SLC44A5: variants seen among roughly 807,000 people sequenced by gnomAD.
The protein encoded by SLC44A5 is choline transporter-like protein 5.
A neutral mutation model predicts 101.8 loss-of-function variants in SLC44A5; 57 were observed. The ratio of observed to expected loss-of-function variants is 0.56; its 90% CI spans 0.45 to 0.70. SLC44A5 has a LOEUF of 0.70. Among genes scored for constraint, SLC44A5 ranks in the 30% least tolerant of loss-of-function variants. The probability of loss-of-function intolerance (pLI) is 0.00; values close to 1 mark genes in which losing one functional copy is unlikely to be tolerated. For synonymous variants in SLC44A5, 281 were observed against 290.9 expected (o/e 0.97, Z 0.35); for missense variants, 737 against 853.1 (o/e 0.86, Z 1.70).
At chr1:75,584,378 TA>T (rs1462747738) in intron 1 of SLC44A5, among the ~76,000 whole-genome samples, 3 of 152,238 alleles carry the variant, frequency 2.0e-5, no homozygotes, top group Non-Finnish European at 4.4e-5. Context: ...CATTAGAATA[TA>T]AAAACCCTTA....
intron 1 of SLC44A5, among the ~76,000 whole-genome samples, chr1:75,604,916 G>T (rs1276802403): frequency 6.6e-6 from 1 of 151,884 alleles, no homozygotes; most frequent in Non-Finnish European, 1.5e-5. Flanking sequence ...AAAGTCTTTG[G>T]CAGTCTTTAG....
chr1:75,436,724 T>A (rs546363235), intron 2 of SLC44A5, among the ~76,000 whole-genome samples: 110 of 152,330 alleles, frequency 7.2e-4, no homozygotes, highest in African/African-American at 2.5e-3. Flanking sequence ...GGAACTTTTT[T>A]AATATTTTAA....
chr1:75,440,533 C>T (rs767765982), intron 2 of SLC44A5, among the ~76,000 whole-genome samples: 2 of 151,848 alleles, frequency 1.3e-5, no homozygotes, highest in Non-Finnish European at 2.9e-5. Flanking sequence ...CAGGTGACTA[C>T]GAAGATTTTT....
chr1:75,569,690 T>C (rs1672973194), intron 1 of SLC44A5, among the ~76,000 whole-genome samples: 1 of 152,218 alleles, frequency 6.6e-6, no homozygotes, highest in South Asian at 2.1e-4. Context: ...CTCAAAATAA[T>C]ATCAGTTAAT....
the SLC44A5 span, among the ~76,000 whole-genome samples, chr1:75,706,601 T>C: frequency 6.6e-6 from 1 of 152,138 alleles, no homozygotes; most frequent in Non-Finnish European, 1.5e-5. Flanking sequence ...GGGCCCTGCT[T>C]CTGTTATTAA....
rs1011864234 is a variant in SLC44A5 at position 75,281,649 on chromosome 1, C to G, written c.176-6607G>C. ...GGCTGGTGCCAGGCCCCCCCCCCCC[C>G]CCGCTGCATTTAGCCTAGGGACTTG... On this transcript the variant is annotated intron_variant, in intron 5 of 23. Transcript: ENST00000370859. 3.1e-4 allele frequency among the ~76,000 whole-genome samples: 31 copies of G among 101,264 alleles called. 5 individuals carry two copies. The highest frequency in any genetic ancestry group is 4.5e-3 in the Middle Eastern group (1 of 220). The allele number at this position is 101,264 out of a possible 152,430, so 66.4% of individuals were successfully genotyped here.
chr1:75,682,942 G>A, the SLC44A5 span, among the ~76,000 whole-genome samples: 32 of 151,956 alleles, frequency 2.1e-4, no homozygotes, highest in African/African-American at 1.9e-4. Context: ...AAAAGTGGGC[G>A]AAGGACATGA....
intron 2 of SLC44A5, among the ~76,000 whole-genome samples, chr1:75,463,696 C>A (rs207460225): frequency 1.3e-5 from 2 of 151,946 alleles, no homozygotes; most frequent in Non-Finnish European, 2.9e-5. Context: ...ACTCATCCTG[C>A]AAGAAATGTT....
upstream of SLC44A5, among the ~76,000 whole-genome samples, chr1:75,613,834 GGT>G (rs1675755986): frequency 6.6e-6 from 1 of 152,102 alleles, no homozygotes; most frequent in Non-Finnish European, 1.5e-5. Context: ...AAAACTTTTT[GGT>G]GTTTTGAGGG....
intron 1 of SLC44A5, among the ~76,000 whole-genome samples, chr1:75,596,928 T>C (rs772893926): frequency 2.0e-5 from 3 of 152,012 alleles, no homozygotes; most frequent in Non-Finnish European, 4.4e-5. Context: ...CTATTTAACA[T>C]AGTATTAGAA....
chr1:75,320,456 CA>C (rs528965140), intron 4 of SLC44A5, among the ~76,000 whole-genome samples: 1 of 151,778 alleles, frequency 6.6e-6, no homozygotes, highest in African/African-American at 2.4e-5. Flanking sequence ...CATTTATTTG[CA>C]AAAAAACCAA....
intron 2 of SLC44A5, among the ~76,000 whole-genome samples, chr1:75,410,450 T>C (rs1222560178): frequency 2.0e-5 from 3 of 152,118 alleles, no homozygotes. Context: ...TAAGGGTTCA[T>C]TGAATGAAGA....
At chr1:75,629,859 G>T in the SLC44A5 span, among the ~76,000 whole-genome samples, 1 of 152,136 alleles carries the variant, frequency 6.6e-6, no homozygotes, top group Non-Finnish European at 1.5e-5. Flanking sequence ...AAACAGTATT[G>T]AAGATGAAAG....
the SLC44A5 span, among the ~76,000 whole-genome samples, chr1:75,625,742 G>A: frequency 0.72 from 109,995 of 152,028 alleles, 40,146 homozygotes; most frequent in East Asian, 0.96. Context: ...ATTTCTGGTA[G>A]TCTAGTCCCC....
intron 2 of SLC44A5, among the ~76,000 whole-genome samples, chr1:75,462,738 T>C (rs1666574368): frequency 6.6e-6 from 1 of 152,064 alleles, no homozygotes; most frequent in African/African-American, 2.4e-5. Context: ...AAAGTGCAAT[T>C]GACATACTGA....
At chr1:75,306,733 CTTTTTT>C (rs771955227) in intron 4 of SLC44A5, among the ~76,000 whole-genome samples, 2 of 102,588 alleles carry the variant, frequency 1.9e-5, no homozygotes, top group Non-Finnish European at 3.6e-5. Flanking sequence ...GGTTTCCTTT[CTTTTTT>C]TTTTTTTTTT....
At chr1:75,667,304 T>C in the SLC44A5 span, among the ~76,000 whole-genome samples, 1 of 152,054 alleles carries the variant, frequency 6.6e-6, no homozygotes, top group African/African-American at 2.4e-5. Context: ...GAGAGCCAAA[T>C]CATGAGTGAA....
intron 1 of SLC44A5, among the ~76,000 whole-genome samples, chr1:75,602,054 A>C (rs1332790): frequency 0.28 from 42,862 of 152,030 alleles, 6,455 homozygotes; most frequent in African/African-American, 0.37. Flanking sequence ...TTCCTCAAAG[A>C]TTTGCTTTAG....
chr1:75,350,224 TCCCTTTGCCG>T (rs1475681563), intron 3 of SLC44A5, among the ~76,000 whole-genome samples: 2 of 151,938 alleles, frequency 1.3e-5, no homozygotes, highest in African/African-American at 4.8e-5. Flanking sequence ...ACCAGTGGTC[TCCCTTTGCCG>T]TGTGAGGACA....
Sources: gnomAD v4.1 joint callset for allele counts (sites outside exome capture counted in the v4.1 genomes callset) on GRCh38, gnomAD v4.1.1 for gene constraint, MANE v1.5 for transcripts, NCBI Gene and HGNC (gene_info 2026-07-23, HGNC 2026-07-21) for gene names.